The following IKBIP variants were observed in gnomAD, a reference collection of about 807,000 sequenced individuals.
IKBIP encodes IKBKB interacting protein, also known as inhibitor of nuclear factor kappa-B kinase-interacting protein.
Under a neutral mutation model 31.0 loss-of-function variants are expected in IKBIP, and 28 were observed. That is an observed-to-expected ratio of 0.90 (90% confidence interval 0.67 to 1.24). IKBIP has a LOEUF of 1.24. Ranked by LOEUF, IKBIP falls within the 50% of genes most tolerant of loss-of-function variation. The pLI, the probability that IKBIP is intolerant of heterozygous loss-of-function variation, is 0.00. For missense variants in IKBIP, 453 were observed against 441.9 expected (o/e 1.03, Z -0.23); for synonymous variants, 164 against 160.3 (o/e 1.02, Z -0.17).
intron 1 of IKBIP, among the ~76,000 whole-genome samples, chr12:98,635,318 A>G (rs2097624876): frequency 6.6e-6 from 1 of 151,924 alleles, no homozygotes; most frequent in Non-Finnish European, 1.5e-5. Flanking sequence ...GGTGGTCTTG[A>G]ATTCCTGGCC....
intron 1 of IKBIP, among the ~76,000 whole-genome samples, chr12:98,644,292 CCTT>C (rs2097635383): frequency 1.3e-5 from 2 of 152,178 alleles, no homozygotes; most frequent in African/African-American, 4.8e-5. Context: ...AGCCTCAACT[CCTT>C]CTGAGCGATA....
At chr12:98,642,759 C>T (rs754125454) in intron 1 of IKBIP, among the ~76,000 whole-genome samples, 8 of 151,358 alleles carry the variant, frequency 5.3e-5, no homozygotes, top group Non-Finnish European at 1.2e-4. Context: ...TGCCACCATG[C>T]CTGGCTTTTT....
intron 2 of IKBIP, among the ~76,000 whole-genome samples, chr12:98,627,615 T>A (rs940442789): frequency 6.6e-6 from 1 of 152,052 alleles, no homozygotes; most frequent in African/African-American, 2.4e-5. Flanking sequence ...ATTTTTTGTA[T>A]TTTTAGTAGA....
chr12:98,627,640 G>A (rs920242988), intron 2 of IKBIP, among the ~76,000 whole-genome samples: 13 of 151,892 alleles, frequency 8.6e-5, no homozygotes, highest in South Asian at 4.1e-4. Context: ...GGGTTTCACC[G>A]TGTCAGCGAG....
rs1367721312 is a variant in IKBIP at position 98,634,377 on chromosome 12, C to T, written c.216G>A (p.Val72=). The T allele has an allele frequency of 1.2e-6, 2 of 1,603,282 alleles. No homozygotes were observed. The highest frequency in any genetic ancestry group is 1.3e-5 in the African/African-American group (1 of 74,586). ...GTTTCAGTAACTGGTATTGGTTTTC[C>T]ACCTTTGCAAATTTTTCTGACTGCT... ...VFQQSEKFAK[V]ENQYQLLKLE... Residue 72 remains valine, a synonymous_variant, in exon 2 of 3, where the codon GTG becomes GTA. Transcript: ENST00000299157.
intron 1 of IKBIP, among the ~76,000 whole-genome samples, chr12:98,643,891 T>C (rs2097634344): frequency 6.7e-6 from 1 of 150,144 alleles, no homozygotes; most frequent in African/African-American, 2.5e-5. Flanking sequence ...TCTTGGCTCA[T>C]AGCAACCTCC....
intron 2 of IKBIP, among the ~76,000 whole-genome samples, chr12:98,629,927 T>C (rs990834651): frequency 1.3e-5 from 2 of 152,192 alleles, no homozygotes; most frequent in African/African-American, 4.8e-5. Context: ...TCGTTTTTCA[T>C]TTTTATTTAC....
chr12:98,636,209 T>C (rs2097625633), intron 1 of IKBIP, among the ~76,000 whole-genome samples: 1 of 152,224 alleles, frequency 6.6e-6, no homozygotes, highest in African/African-American at 2.4e-5. Flanking sequence ...TTGCTACATA[T>C]TGTAATAACC....
rs371395129 is a variant in IKBIP, at chr12:98,626,732, G to A, written c.332C>T (p.Thr111Ile). The A allele has an allele frequency of 3.1e-6, 5 of 1,611,184 alleles. No individual in the cohort carries two copies. In the African/African-American group the frequency reaches 5.3e-5, roughly 17 times the overall value. The change falls in exon 3 of 3, where the codon ACA (threonine) becomes ATA (isoleucine). Residue 111 changes from threonine (T) to isoleucine (I), a missense_variant. Coordinates refer to ENST00000299157, the MANE Select transcript of IKBIP (RefSeq NM_153687.4). The stretch of plus-strand genomic sequence containing the variant: ...CTGGGTCATCAAAGACATGGATGAT[G>A]TAGCTTCCTGCAGGATGCTTTCAGT... ...ESTESILQEA[T>I]SSMSLMTQFE...
chr12:98,643,953 C>A (rs1043008179), intron 1 of IKBIP, among the ~76,000 whole-genome samples: 5 of 151,828 alleles, frequency 3.3e-5, no homozygotes, highest in Non-Finnish European at 7.4e-5. Context: ...GGAACTGGGA[C>A]TACAGGCGCC....
intron 2 of IKBIP, among the ~76,000 whole-genome samples, chr12:98,618,341 T>C (rs959253960): frequency 2.0e-5 from 3 of 152,044 alleles, no homozygotes; most frequent in Non-Finnish European, 2.9e-5. Context: ...AAAGAAAAAA[T>C]TGAGGCCAGG....
At chr12:98,635,837 T>C (rs558139206) in intron 1 of IKBIP, among the ~76,000 whole-genome samples, 33 of 152,276 alleles carry the variant, frequency 2.2e-4, no homozygotes, top group African/African-American at 3.4e-4. Flanking sequence ...AAAGTGACAA[T>C]AGATCACAAT....
At chr12:98,621,103 G>C (rs1352764946), downstream of IKBIP, among the ~76,000 whole-genome samples, 1 of 152,038 alleles carries the variant, frequency 6.6e-6, no homozygotes, top group African/African-American at 2.4e-5. Context: ...CAAAAAATGA[G>C]CCGGGTGTAG....
Position 98,630,376 on chromosome 12 carries a change from CAAAAAAAAAAAAAAAAAAAA to C in IKBIP, c.298-3630_298-3611del, listed in dbSNP as rs61623957. Among the ~76,000 whole-genome samples, 43 of 41,300 alleles carry C rather than the reference CAAAAAAAAAAAAAAAAAAAA, an allele frequency of 1.0e-3. 1 individual carries two copies. In the East Asian group the frequency reaches 0.011, roughly 10 times the overall value. The allele number at this position is 41,300 out of a possible 152,430, so 27.1% of individuals were successfully genotyped here. On this transcript the variant is annotated intron_variant, in intron 2 of 2. Transcript: ENST00000299157. ...CCAGCCTGGGCAACAAGAGCCTGGG[CAAAAAAAAAAAAAAAAAAAA>C]AAAAAAAAAAAAAAAAAGAGCTAGT...
intron 2 of IKBIP, among the ~76,000 whole-genome samples, chr12:98,628,309 T>C (rs1435607239): frequency 6.6e-6 from 1 of 152,250 alleles, no homozygotes; most frequent in Admixed American, 6.5e-5. Context: ...ATATCTAATA[T>C]CTGCTTCCAG....
At chr12:98,616,177 A>AAAT (rs2097606197) in intron 2 of IKBIP, among the ~76,000 whole-genome samples, 1 of 152,186 alleles carries the variant, frequency 6.6e-6, no homozygotes, top group East Asian at 1.9e-4. Flanking sequence ...TTTTGATAAT[A>AAAT]AATATTCTAA....
In IKBIP at chr12:98,625,970, TC is replaced by T; in HGVS notation, c.1093del (p.Glu365AsnfsTer4). 2 of 1,438,842 alleles carry T rather than the reference TC, an allele frequency of 1.4e-6. No homozygotes were observed. Among genetic ancestry groups the T allele is most frequent in the Non-Finnish European group, 1.9e-6 (2 of 1,075,498 alleles). The allele number at this position is 1,438,842 out of a possible 1,614,324, so 89.1% of individuals were successfully genotyped here. A position where few individuals can be genotyped will look rare whatever the true frequency, so the allele number is the denominator to read the frequency against. ...AATTCCTTTATTTTCTATATTATAT[TC>T]TTTTAAAGTTCCCTTTTCTCCTGTA... ...SSTGEKGTLK[E>X]YNIENKGIGG... On this transcript the variant is annotated frameshift_variant, in exon 3 of 3. Transcript: ENST00000299157. LOFTEE classifies it high-confidence loss of function.
intron 1 of IKBIP, among the ~76,000 whole-genome samples, chr12:98,635,002 C>T (rs1237785868): frequency 6.7e-6 from 1 of 148,842 alleles, no homozygotes; most frequent in Admixed American, 6.8e-5. Flanking sequence ...AGCCACCACG[C>T]CCGGTATTTT....
intron 2 of IKBIP, among the ~76,000 whole-genome samples, chr12:98,630,376 C>CAAAAAAAAAAAAAAAAAAAAAAAA (rs61623957): frequency 2.4e-5 from 1 of 41,314 alleles, no homozygotes; most frequent in African/African-American, 1.2e-4. Flanking sequence ...AGAGCCTGGG[C>CAAAAAAAAAAAAAAAAAAAAAAAA]AAAAAAAAAA....
Sources: allele counts gnomAD v4.1 joint callset (sites outside exome capture counted in the v4.1 genomes callset), GRCh38; gene constraint gnomAD v4.1.1; transcripts MANE v1.5; gene names NCBI Gene and HGNC (gene_info 2026-07-23, HGNC 2026-07-21).